TEX36: variants seen among roughly 807,000 people sequenced by gnomAD.
The protein encoded by TEX36 is testis expressed 36.
In TEX36, 12 loss-of-function variants were observed where a neutral mutation model predicts 13.6. That is an observed-to-expected ratio of 0.88 (90% CI 0.56 to 1.43). TEX36 has a LOEUF of 1.43. TEX36 is among the 40% of genes most tolerant of loss of function. The pLI is 0.00. For synonymous variants in TEX36, 93 were observed against 83.0 expected, an observed-to-expected ratio of 1.12 and a Z score of -0.65; for missense variants, 224 against 228.3, an observed-to-expected ratio of 0.98 and a Z score of 0.12.
intron 3 of TEX36, among the ~76,000 whole-genome samples, chr10:125,631,267 A>AT (rs1846550345): frequency 6.6e-6 from 1 of 152,148 alleles, no homozygotes; most frequent in African/African-American, 2.4e-5. Flanking sequence ...CTTAATTCAG[A>AT]TTTTTTTAAA....
intron 3 of TEX36, among the ~76,000 whole-genome samples, chr10:125,584,486 G>A (rs553088029): frequency 9.3e-4 from 142 of 152,246 alleles, no homozygotes; most frequent in African/African-American, 3.2e-3. Context: ...TTTTTACAAG[G>A]ATGAAAACAT....
intron 3 of TEX36, among the ~76,000 whole-genome samples, chr10:125,588,886 G>C (rs1165019037): frequency 6.6e-6 from 1 of 152,196 alleles, no homozygotes; most frequent in Admixed American, 6.5e-5. Context: ...AAAGTGCTGG[G>C]ATTGCAGGCG....
chr10:125,592,266 G>A (rs2133533816), intron 3 of TEX36, among the ~76,000 whole-genome samples: 1 of 152,216 alleles, frequency 6.6e-6, no homozygotes, highest in African/African-American at 2.4e-5. Flanking sequence ...GTGGCAAGTG[G>A]AGACCATCCC....
chr10:125,583,682 G>T (rs1845910837), intron 3 of TEX36, among the ~76,000 whole-genome samples: 2 of 152,178 alleles, frequency 1.3e-5, no homozygotes, highest in African/African-American at 4.8e-5. Context: ...TAGGACTTAT[G>T]TAATACTTTT....
downstream of TEX36, among the ~76,000 whole-genome samples, chr10:125,654,361 A>G (rs1388896621): frequency 6.6e-6 from 1 of 152,228 alleles, no homozygotes; most frequent in Non-Finnish European, 1.5e-5. Flanking sequence ...ATATACAGGA[A>G]TAAACATGGA....
intron 3 of TEX36, among the ~76,000 whole-genome samples, chr10:125,598,151 G>A (rs941698395): frequency 1.3e-5 from 2 of 152,104 alleles, no homozygotes; most frequent in African/African-American, 4.8e-5. Flanking sequence ...ATGTCAGCAG[G>A]ACACACAGGT....
At chr10:125,599,528 A>T (rs1398380324) in intron 3 of TEX36, among the ~76,000 whole-genome samples, 1 of 151,968 alleles carries the variant, frequency 6.6e-6, no homozygotes, top group Non-Finnish European at 1.5e-5. Flanking sequence ...ATGTTCTTAG[A>T]TTCCATGCAT....
chr10:125,582,484 C>A (rs971995375), intron 3 of TEX36, among the ~76,000 whole-genome samples: 1 of 152,308 alleles, frequency 6.6e-6, no homozygotes, highest in South Asian at 2.1e-4. Flanking sequence ...ACATACCTAA[C>A]TTTAAGTTTG....
chr10:125,645,501 A>G (rs899659396), intron 3 of TEX36, among the ~76,000 whole-genome samples: 1 of 152,178 alleles, frequency 6.6e-6, no homozygotes, highest in African/African-American at 2.4e-5. Flanking sequence ...AGTCCTCACT[A>G]GCAAGAAGGC....
chr10:125,644,698 T>A (rs1846741027), intron 3 of TEX36, among the ~76,000 whole-genome samples: 1 of 152,222 alleles, frequency 6.6e-6, no homozygotes, highest in Non-Finnish European at 1.5e-5. Context: ...CCCCTGCCCT[T>A]GAGTGTGGCA....
At chr10:125,601,927 G>A (rs573336786) in intron 3 of TEX36, among the ~76,000 whole-genome samples, 20 of 152,310 alleles carry the variant, frequency 1.3e-4, no homozygotes, top group African/African-American at 3.6e-4. Flanking sequence ...ACCTGCATGC[G>A]GGGTGTCTTC....
At chr10:125,637,331 T>C (rs1029014824) in intron 3 of TEX36, among the ~76,000 whole-genome samples, 1 of 151,862 alleles carries the variant, frequency 6.6e-6, no homozygotes, top group African/African-American at 2.4e-5. Flanking sequence ...AAAGTATAAT[T>C]ATGCAGTGTG....
At chr10:125,599,054 G>GAGTC (rs1300479388) in intron 3 of TEX36, among the ~76,000 whole-genome samples, 1 of 152,128 alleles carries the variant, frequency 6.6e-6, no homozygotes, top group African/African-American at 2.4e-5. Flanking sequence ...GCTACCTGAA[G>GAGTC]AGTCACTCAC....
chr10:125,643,145 C>A (rs1016478896), intron 3 of TEX36, among the ~76,000 whole-genome samples: 1 of 152,162 alleles, frequency 6.6e-6, no homozygotes, highest in African/African-American at 2.4e-5. Context: ...AGTGACAAAG[C>A]AGATGAATTG....
chr10:125,646,317 C>A (rs1044036910), intron 3 of TEX36, among the ~76,000 whole-genome samples: 7 of 152,084 alleles, frequency 4.6e-5, no homozygotes, highest in Non-Finnish European at 8.8e-5. Context: ...CAGAGTGAGA[C>A]CCTGTCTCAA....
intron 3 of TEX36, among the ~76,000 whole-genome samples, chr10:125,633,475 C>G (rs1001606864): frequency 2.0e-5 from 3 of 152,136 alleles, no homozygotes; most frequent in Non-Finnish European, 2.9e-5. Context: ...TAAAAACATT[C>G]CATTGTAAAA....
intron 3 of TEX36, among the ~76,000 whole-genome samples, chr10:125,590,847 A>G (rs1846012990): frequency 6.6e-6 from 1 of 152,226 alleles, no homozygotes; most frequent in Non-Finnish European, 1.5e-5. Flanking sequence ...AGATATAGAT[A>G]TATTGATATA....
At chr10:125,577,480 C>T (rs1845837897) in intron 3 of TEX36, among the ~76,000 whole-genome samples, 1 of 152,118 alleles carries the variant, frequency 6.6e-6, no homozygotes, top group Admixed American at 6.5e-5. Flanking sequence ...GCCTGGGGTA[C>T]AGAGTGAGAC....
chr10:125,612,849 G>T lies in TEX36; in HGVS notation c.265-35975C>A, dbSNP rs1434670873. ...TATAAAACCAAAATAGAAGAAAATG[G>T]CTAGATTTCATTTGGGTTGTAATTT... On this transcript the variant is annotated intron_variant, in intron 3 of 3. Coordinates refer to the TEX36 transcript ENST00000532135. Among the ~76,000 whole-genome samples, 3 of 151,578 alleles carry T rather than the reference G, an allele frequency of 2.0e-5. No homozygotes were observed. The East Asian group carries it at 5.8e-4, about 29-fold the overall frequency.
Sources: gnomAD v4.1 joint callset for allele counts (sites outside exome capture counted in the v4.1 genomes callset) on GRCh38, gnomAD v4.1.1 for gene constraint, MANE v1.5 for transcripts, NCBI Gene and HGNC (gene_info 2026-07-23, HGNC 2026-07-21) for gene names.